Variants in PTPRG observed in about 807,000 individuals in gnomAD.
PTPRG encodes protein tyrosine phosphatase receptor type G, also known as receptor-type tyrosine-protein phosphatase gamma.
A neutral mutation model predicts 165.3 loss-of-function variants in PTPRG; 102 were observed. The observed-to-expected ratio is 0.62, with a 90% CI of 0.53 to 0.73. The LOEUF is 0.73. Ranked by LOEUF, PTPRG falls within the 30% of genes least tolerant of loss-of-function variation. The pLI is 0.00. For missense variants in PTPRG, 1,866 were observed against 1,861.4 expected (o/e 1.00, Z -0.05); for synonymous variants, 675 against 669.5 (o/e 1.01, Z -0.13).
chr3:61,681,756 G>C (rs1703448697), intron 1 of PTPRG, among the ~76,000 whole-genome samples: 1 of 152,078 alleles, frequency 6.6e-6, no homozygotes, highest in South Asian at 2.1e-4. Context: ...TCTTGCTCTG[G>C]ATTTAACTTT....
At chr3:61,701,210 T>C (rs1173190917) in intron 1 of PTPRG, among the ~76,000 whole-genome samples, 2 of 152,186 alleles carry the variant, frequency 1.3e-5, no homozygotes, top group Non-Finnish European at 2.9e-5. Context: ...CATGCTGAGC[T>C]CTCTGATTCT....
rs1559620068 is a variant in PTPRG, at chr3:62,186,566, C to CGTTTTTTTTTTT, written c.1034-4903_1034-4902insGTTTTTTTTTTT. On this transcript the variant is annotated intron_variant, in intron 8 of 29. Transcript: ENST00000474889. ...TGTTGAAGCTGGATTTTTTTCTTTTCCTTTTTTTTTTTTTTTTTGAGATAG... is the reference window on the plus strand; with the variant it reads ...TGTTGAAGCTGGATTTTTTTCTTTTCGTTTTTTTTTTTCTTTTTTTTTTTTTTTTTGAGATAG... Among the ~76,000 whole-genome samples, 222 of 99,580 alleles carry CGTTTTTTTTTTT rather than the reference C, an allele frequency of 2.2e-3. 2 individuals are homozygous for CGTTTTTTTTTTT. The highest frequency in any genetic ancestry group is 0.011 in the Middle Eastern group (2 of 178). The allele number at this position is 99,580 out of a possible 152,430, so 65.3% of individuals were successfully genotyped here.
At chr3:61,976,186 T>C (rs2040500712) in intron 2 of PTPRG, among the ~76,000 whole-genome samples, 1 of 152,184 alleles carries the variant, frequency 6.6e-6, no homozygotes, top group South Asian at 2.1e-4. Flanking sequence ...GAAATGAGGA[T>C]TCATAATAGA....
intron 4 of PTPRG, among the ~76,000 whole-genome samples, chr3:62,008,797 G>C (rs1376294406): frequency 6.6e-6 from 1 of 152,154 alleles, no homozygotes; most frequent in Non-Finnish European, 1.5e-5. Flanking sequence ...TTCACAATAG[G>C]GTTTGTGCTC....
At chr3:62,051,793 T>G (rs2106653989) in intron 4 of PTPRG, among the ~76,000 whole-genome samples, 1 of 152,362 alleles carries the variant, frequency 6.6e-6, no homozygotes, top group South Asian at 2.1e-4. Flanking sequence ...CGCCCTCATG[T>G]GGTCTGTGTG....
At chr3:62,025,125 C>T (rs1259502606) in intron 4 of PTPRG, among the ~76,000 whole-genome samples, 1 of 152,154 alleles carries the variant, frequency 6.6e-6, no homozygotes, top group African/African-American at 2.4e-5. Flanking sequence ...GAGTTAGACA[C>T]TGCAACAGGG....
chr3:61,579,691 C>T (rs575219360), intron 1 of PTPRG, among the ~76,000 whole-genome samples: 7 of 152,326 alleles, frequency 4.6e-5, no homozygotes, highest in Admixed American at 1.3e-4. Context: ...ATACCATCTA[C>T]GCGCAGCTTG....
intron 4 of PTPRG, among the ~76,000 whole-genome samples, chr3:62,047,065 G>T (rs1700316651): frequency 6.6e-6 from 1 of 152,116 alleles, no homozygotes; most frequent in Admixed American, 6.5e-5. Flanking sequence ...CCCAGAATTA[G>T]AACCCACATT....
At chr3:61,688,745 C>T (rs1285550594) in intron 1 of PTPRG, among the ~76,000 whole-genome samples, 1 of 152,222 alleles carries the variant, frequency 6.6e-6, no homozygotes, top group African/African-American at 2.4e-5. Context: ...ATTCTGTGTC[C>T]TTTGCCTGTT....
intron 5 of PTPRG, among the ~76,000 whole-genome samples, chr3:62,098,918 G>A (rs528582166): frequency 6.6e-5 from 10 of 152,330 alleles, no homozygotes; most frequent in African/African-American, 2.2e-4. Context: ...TCCAGATATA[G>A]GGGTGTGAAG....
At chr3:62,197,232 A>C (rs1357708275) in intron 10 of PTPRG, among the ~76,000 whole-genome samples, 1 of 152,174 alleles carries the variant, frequency 6.6e-6, no homozygotes, top group Non-Finnish European at 1.5e-5. Flanking sequence ...ATGTGGGGTA[A>C]TGGATGTTAA....
At chr3:62,028,608 T>A (rs890829617) in intron 4 of PTPRG, among the ~76,000 whole-genome samples, 8 of 152,214 alleles carry the variant, frequency 5.3e-5, no homozygotes, top group Non-Finnish European at 1.2e-4. Flanking sequence ...GGGTCACAAT[T>A]TGGAAGAACA....
intron 13 of PTPRG, among the ~76,000 whole-genome samples, chr3:62,226,199 C>T (rs1700760056): frequency 6.6e-6 from 1 of 152,218 alleles, no homozygotes; most frequent in African/African-American, 2.4e-5. Flanking sequence ...AATACGTTAT[C>T]TTGTCCAGAG....
chr3:61,736,245 T>A (rs983207517), intron 1 of PTPRG, among the ~76,000 whole-genome samples: 3 of 151,056 alleles, frequency 2.0e-5, no homozygotes, highest in African/African-American at 7.3e-5. Flanking sequence ...ATCACTGACA[T>A]AAGGTTCCTC....
intron 12 of PTPRG, among the ~76,000 whole-genome samples, chr3:62,209,199 A>C (rs1700301054): frequency 1.3e-5 from 2 of 152,204 alleles, no homozygotes; most frequent in South Asian, 4.1e-4. Context: ...ATTTGGGAGC[A>C]TCTGGAGACA....
chr3:62,282,032 T>TAA (rs1702469285), intron 27 of PTPRG, among the ~76,000 whole-genome samples: 2 of 152,070 alleles, frequency 1.3e-5, no homozygotes, highest in African/African-American at 4.8e-5. Context: ...ATGATAATAC[T>TAA]AAGTTTTTTT....
chr3:62,032,138 G>A (rs1171487405), intron 4 of PTPRG, among the ~76,000 whole-genome samples: 1 of 152,194 alleles, frequency 6.6e-6, no homozygotes, highest in Non-Finnish European at 1.5e-5. Context: ...TAGACATCTT[G>A]GGGAAGGTAG....
intron 5 of PTPRG, among the ~76,000 whole-genome samples, chr3:62,082,843 G>A (rs762499423): frequency 6.6e-6 from 1 of 152,174 alleles, no homozygotes; most frequent in Non-Finnish European, 1.5e-5. Context: ...TAGAAGGTGC[G>A]CTCCCTTCGT....
chr3:62,186,339 G>C (rs1322160032), intron 8 of PTPRG, among the ~76,000 whole-genome samples: 1 of 152,098 alleles, frequency 6.6e-6, no homozygotes, highest in Non-Finnish European at 1.5e-5. Flanking sequence ...CATTCCGTCA[G>C]AGAAACGCGA....
Sources: gnomAD v4.1 joint callset for allele counts (sites outside exome capture counted in the v4.1 genomes callset) on GRCh38, gnomAD v4.1.1 for gene constraint, MANE v1.5 for transcripts, NCBI Gene and HGNC (gene_info 2026-07-23, HGNC 2026-07-21) for gene names.